Variants in C1orf159 observed in about 807,000 individuals in gnomAD.
The protein encoded by C1orf159 is uncharacterized protein C1orf159.
Under a neutral mutation model 25.6 loss-of-function variants are expected in C1orf159, and 19 were observed. The ratio of observed to expected loss-of-function variants is 0.74; its 90% CI spans 0.52 to 1.09. The LOEUF (loss-of-function observed/expected upper bound fraction) is 1.09. Ranked by LOEUF, C1orf159 falls within the 50% of genes least tolerant of loss-of-function variation. The pLI is 0.00. For synonymous variants in C1orf159, 139 were observed against 124.7 expected, an observed-to-expected ratio of 1.12 and a Z score of -0.77; for missense variants, 274 against 290.6, an observed-to-expected ratio of 0.94 and a Z score of 0.42.
At chr1:1,113,484 C>T (rs887992730) in intron 1 of C1orf159, among the ~76,000 whole-genome samples, 1 of 152,148 alleles carries the variant, frequency 6.6e-6, no homozygotes, top group African/African-American at 2.4e-5. Flanking sequence ...TCTCCACCTC[C>T]GGGGCTGAAG....
intron 1 of C1orf159, among the ~76,000 whole-genome samples, chr1:1,107,087 G>A (rs1646185256): frequency 1.3e-5 from 2 of 152,232 alleles, no homozygotes; most frequent in South Asian, 2.1e-4. Flanking sequence ...TCCCCAACGG[G>A]CACCACCCCC....
intron 1 of C1orf159, among the ~76,000 whole-genome samples, chr1:1,115,479 C>T: frequency 6.7e-6 from 1 of 149,530 alleles, no homozygotes; most frequent in Admixed American, 6.6e-5. Context: ...GCGCCCGTCC[C>T]ATCCCCTCCC....
chr1:1,085,154 G>A (rs1364468660), intron 7 of C1orf159: 6 of 311,424 alleles, frequency 1.9e-5, no homozygotes, highest in Admixed American at 3.9e-5. Flanking sequence ...GAGAGGTTGA[G>A]GGGGATGGAC....
In C1orf159 at chr1:1,087,962, AC is replaced by A. The variant is rs1436606201; in HGVS notation, c.149-366del. Among the ~76,000 whole-genome samples the A allele has an allele frequency of 2.6e-5, 4 of 150,992 alleles. No individual in the cohort carries two copies. Among genetic ancestry groups the A allele is most frequent in the African/African-American group, 9.8e-5 (4 of 40,894 alleles). Reference sequence around the variant, plus strand: ...CACGCCGAGCACCCCGGCCCTGAGCACCCCGACCCTGAGTACTCCACACTGC... The same window carrying A: ...CACGCCGAGCACCCCGGCCCTGAGCACCCGACCCTGAGTACTCCACACTGC... On this transcript the variant is annotated intron_variant, in intron 4 of 9. Transcript: ENST00000421241. The surrounding 1 kb of genome is among the most constrained non-coding windows in gnomAD (Gnocchi z 8.3).
intron 1 of C1orf159, among the ~76,000 whole-genome samples, chr1:1,097,637 G>A (rs1000663117): frequency 2.9e-5 from 4 of 138,298 alleles, no homozygotes; most frequent in Admixed American, 7.4e-5. Flanking sequence ...TTCCCAGGCT[G>A]GTCTTAAACT....
In C1orf159 at chr1:1,087,289, GA is replaced by G. The variant is rs1645847229; in HGVS notation, c.245-86del. 1 of 1,378,066 alleles carries G rather than the reference GA, an allele frequency of 7.3e-7. No individual in the cohort carries two copies. The highest frequency in any genetic ancestry group is 1.4e-5 in the South Asian group (1 of 70,956). The allele number at this position is 1,378,066 out of a possible 1,614,324, so 85.4% of individuals were successfully genotyped here. On this transcript the variant is annotated intron_variant, in intron 5 of 9. Transcript: ENST00000421241. This position sits in a 1 kb window ranked among gnomAD's most constrained non-coding sequence, Gnocchi z 8.3. Reference sequence around the variant, plus strand: ...TGCACCCTGAAGGGATCTCAGGACGGAAATATGAAAGCGAGGGGCTGAGGGG... The same window carrying G: ...TGCACCCTGAAGGGATCTCAGGACGGAATATGAAAGCGAGGGGCTGAGGGG...
At chr1:1,114,334 T>C (rs368525747) in intron 1 of C1orf159, among the ~76,000 whole-genome samples, 6 of 152,172 alleles carry the variant, frequency 3.9e-5, no homozygotes, top group African/African-American at 1.4e-4. Flanking sequence ...CTTGCCCCCA[T>C]GCCTGGATAA....
At chr1:1,085,581 C>T (rs903102021) in intron 7 of C1orf159, among the ~76,000 whole-genome samples, 9 of 152,234 alleles carry the variant, frequency 5.9e-5, no homozygotes, top group African/African-American at 1.7e-4. Flanking sequence ...ACTCGCCCCT[C>T]GTGATGCCCT....
At chr1:1,104,960 A>G (rs1452224385) in intron 1 of C1orf159, among the ~76,000 whole-genome samples, 1 of 152,222 alleles carries the variant, frequency 6.6e-6, no homozygotes, top group Non-Finnish European at 1.5e-5. Flanking sequence ...CTTCCAGAGC[A>G]CTTGCCACAT....
At chr1:1,096,318 C>T (rs1254339500) in intron 1 of C1orf159, among the ~76,000 whole-genome samples, 1 of 152,080 alleles carries the variant, frequency 6.6e-6, no homozygotes, top group Non-Finnish European at 1.5e-5. Flanking sequence ...CTCAGCCTCC[C>T]AAGTAGCTGG....
chr1:1,104,477 T>C lies in C1orf159; in HGVS notation c.-136+11583A>G, dbSNP rs74464172. Among the ~76,000 whole-genome samples, 1,060 of 152,356 alleles carry C rather than the reference T, an allele frequency of 7.0e-3. 10 individuals are homozygous for C. Among genetic ancestry groups the C allele is most frequent in the African/African-American group, 0.022 (928 of 41,572 alleles). ...GTTTTTCATACTCTGTCCATGGTTATAGTTGTGCTATGGCAGGGTCACTCT... is the reference window on the plus strand; with the variant it reads ...GTTTTTCATACTCTGTCCATGGTTACAGTTGTGCTATGGCAGGGTCACTCT... On this transcript the variant is annotated intron_variant, in intron 1 of 9. Coordinates refer to ENST00000421241, the MANE Select transcript of C1orf159 (RefSeq NM_017891.5).
intron 4 of C1orf159, among the ~76,000 whole-genome samples, chr1:1,088,210 C>CA (rs1645867180): frequency 1.0e-5 from 1 of 97,522 alleles, no homozygotes. Context: ...ACCCCCCCCC[C>CA]ATGGCCTCCC....
chr1:1,091,537 G>C lies in C1orf159; in HGVS notation c.7C>G (p.Leu3Val). 1.3e-6 allele frequency: 2 copies of C among 1,549,476 alleles called. No individual in the cohort carries two copies. The highest frequency in any genetic ancestry group is 1.7e-6 in the Non-Finnish European group (2 of 1,146,846). MA[L>V]RHLALLAGLL... is the part of the protein sequence containing the mutation. ...CCAGCCAGGAGGGCGAGGTGCCGCAGCGCCATGCCAGGAGCAGATGCGCAG... is the reference window on the plus strand; with the variant it reads ...CCAGCCAGGAGGGCGAGGTGCCGCACCGCCATGCCAGGAGCAGATGCGCAG... Residue 3 changes from leucine (L) to valine (V), a missense_variant, in exon 3 of 10, where the codon CTG becomes GTG. Transcript: ENST00000421241.
chr1:1,105,067 T>C (rs1417914538), intron 1 of C1orf159, among the ~76,000 whole-genome samples: 1 of 152,208 alleles, frequency 6.6e-6, no homozygotes, highest in Non-Finnish European at 1.5e-5. Flanking sequence ...GGAAAAGACT[T>C]GCATAAGACC....
At chr1:1,100,248 T>C (rs1445790572) in intron 1 of C1orf159, among the ~76,000 whole-genome samples, 3 of 151,400 alleles carry the variant, frequency 2.0e-5, no homozygotes, top group East Asian at 1.9e-4. Flanking sequence ...AATATAATTA[T>C]CATTATGGGT....
At chr1:1,113,141 A>G (rs956608559) in intron 1 of C1orf159, among the ~76,000 whole-genome samples, 1 of 151,174 alleles carries the variant, frequency 6.6e-6, no homozygotes, top group Non-Finnish European at 1.5e-5. Context: ...GCTTGCAGTG[A>G]GCCGAGATTG....
rs941439696 is a variant in C1orf159, at chr1:1,110,542, A to G, written c.-136+5518T>C. ...GGCAACAGATGAGTGGACAGTGCTCAACACGGGTGAGCGTCAGGGAAATGC... is the reference window on the plus strand; with the variant it reads ...GGCAACAGATGAGTGGACAGTGCTCGACACGGGTGAGCGTCAGGGAAATGC... On this transcript the variant is annotated intron_variant, in intron 1 of 9. Transcript: ENST00000421241. This position sits in a 1 kb window ranked among gnomAD's most constrained non-coding sequence, Gnocchi z 4.8. Among the ~76,000 whole-genome samples the G allele has an allele frequency of 3.9e-5, 6 of 152,226 alleles. No individual in the cohort carries two copies. The highest frequency in any genetic ancestry group is 8.8e-5 in the Non-Finnish European group (6 of 68,040).
intron 1 of C1orf159, among the ~76,000 whole-genome samples, chr1:1,097,059 T>C (rs1166415849): frequency 6.6e-6 from 1 of 152,060 alleles, no homozygotes; most frequent in Non-Finnish European, 1.5e-5. Context: ...ACTATGTCTA[T>C]AGGATCCTTA....
intron 1 of C1orf159, among the ~76,000 whole-genome samples, chr1:1,109,559 T>C (rs1333852855): frequency 6.6e-6 from 1 of 152,182 alleles, no homozygotes; most frequent in Admixed American, 6.5e-5. Context: ...CTTGAACTCC[T>C]GGGCTCAAGC....
Sources: gnomAD v4.1 joint callset for allele counts (sites outside exome capture counted in the v4.1 genomes callset) on GRCh38, gnomAD v4.1.1 for gene constraint, Gnocchi (gnomAD v3.1) non-coding constraint, MANE v1.5 for transcripts, NCBI Gene and HGNC (gene_info 2026-07-23, HGNC 2026-07-21) for gene names.